Variants in SYNJ2 observed in about 807,000 individuals in gnomAD.
The protein encoded by SYNJ2 is polyphosphatidylinositol phosphatase SYNJ2.
In SYNJ2, 116 loss-of-function variants were observed where a neutral mutation model predicts 141.3. The observed-to-expected ratio is 0.82, with a 90% CI of 0.71 to 0.96. The LOEUF (loss-of-function observed/expected upper bound fraction) is 0.96, where lower values mean the gene tolerates loss of function less well. Ranked by LOEUF, SYNJ2 falls within the 40% of genes least tolerant of loss-of-function variation. SYNJ2 has a pLI of 0.00. For missense variants in SYNJ2, 1,873 were observed against 1,934.8 expected (o/e 0.97, Z 0.60); for synonymous variants, 745 against 777.7 (o/e 0.96, Z 0.70).
chr6:158,018,957 A>C (rs775739076), intron 2 of SYNJ2, among the ~76,000 whole-genome samples: 1 of 152,214 alleles, frequency 6.6e-6, no homozygotes, highest in Non-Finnish European at 1.5e-5. Context: ...CATGGTGATG[A>C]CCGTGAGGAT....
chr6:158,088,032 GA>G (rs748147820), intron 23 of SYNJ2, among the ~76,000 whole-genome samples: 6,619 of 57,328 alleles, frequency 0.12, 572 homozygotes, highest in African/African-American at 0.14. Context: ...CCCTGCTTTG[GA>G]ATTTTTTTTT....
At chr6:158,044,723 C>T (rs1027477760) in intron 5 of SYNJ2, among the ~76,000 whole-genome samples, 1 of 152,192 alleles carries the variant, frequency 6.6e-6, no homozygotes, top group African/African-American at 2.4e-5. Context: ...CTTTGATCAC[C>T]ACTAACAAAC....
intron 5 of SYNJ2, among the ~76,000 whole-genome samples, chr6:158,051,365 G>A (rs530318690): frequency 2.3e-4 from 35 of 152,138 alleles, no homozygotes; most frequent in Admixed American, 2.2e-3. Context: ...ACACAGACCC[G>A]CTGACTTCCC....
At chr6:157,984,418 A>C (rs2128312472) in intron 1 of SYNJ2, among the ~76,000 whole-genome samples, 1 of 151,268 alleles carries the variant, frequency 6.6e-6, no homozygotes, top group African/African-American at 2.4e-5. Flanking sequence ...CTTTTTTTTG[A>C]GATGGAGCTT....
At chr6:158,004,131 C>G (rs145763749) in intron 1 of SYNJ2, among the ~76,000 whole-genome samples, 158 of 152,266 alleles carry the variant, frequency 1.0e-3, no homozygotes, top group African/African-American at 3.7e-3. Context: ...TCAGTTAACC[C>G]TTGACCCCAC....
intron 18 of SYNJ2, among the ~76,000 whole-genome samples, chr6:158,080,362 CT>C (rs754403448): frequency 1.3e-4 from 20 of 151,934 alleles, no homozygotes; most frequent in Non-Finnish European, 2.2e-4. Context: ...GTAATCCCAG[CT>C]ACTTGGGAAG....
Position 158,017,273 on chromosome 6 carries a change from A to T in SYNJ2, c.197A>T (p.Glu66Val), listed in dbSNP as rs763439585. The T allele has an allele frequency of 1.2e-6, 2 of 1,613,170 alleles. No homozygotes were observed. The highest frequency in any genetic ancestry group is 1.1e-5 in the South Asian group (1 of 90,990). ...ACGGACGCGTACGGCTGCCTGGGGG[A>T]GCTGAGGCTGAAATCTGGTGAGTAG... ...KLTDAYGCLGELRLKSGGTSL... is the reference protein window; with the variant it reads ...KLTDAYGCLGVLRLKSGGTSL... Residue 66 changes from glutamate to valine, a missense_variant, in exon 2 of 27, where the codon GAG becomes GTG. Glu to Val is a moderately radical substitution (Grantham distance 121, BLOSUM62 -2). Coordinates refer to ENST00000355585, the MANE Select transcript of SYNJ2 (RefSeq NM_003898.4).
At chr6:157,988,164 C>T (rs2128313882) in intron 1 of SYNJ2, among the ~76,000 whole-genome samples, 1 of 152,370 alleles carries the variant, frequency 6.6e-6, no homozygotes, top group South Asian at 2.1e-4. Flanking sequence ...CCACCCCAGG[C>T]CCGGGCGTTG....
rs1779477276 is a variant in SYNJ2, at chr6:158,033,464, G to A, written c.495G>A (p.Leu165=). The change falls in exon 4 of 27, where the codon CTG becomes CTA. Residue 165 remains leucine (L), a synonymous_variant. Coordinates refer to ENST00000355585, the MANE Select transcript of SYNJ2 (RefSeq NM_003898.4). The part of the protein sequence containing the change: ...EWGNSFFWNQ[L]LHVPLRQHQV... ...GGACTGTGTTTTGCAGGAACCAGCT[G>A]TTGCACGTGCCCTTGAGGCAGCACC... 3 of 1,614,044 alleles carry A rather than the reference G, an allele frequency of 1.9e-6. No homozygotes were observed. The highest frequency in any genetic ancestry group is 1.3e-5 in the African/African-American group (1 of 75,074).
intron 1 of SYNJ2, among the ~76,000 whole-genome samples, chr6:158,007,482 C>T (rs1053630363): frequency 1.3e-5 from 2 of 152,226 alleles, no homozygotes; most frequent in Admixed American, 1.3e-4. Context: ...TTCCATTGTT[C>T]AGGCAATGAA....
intron 3 of SYNJ2, chr6:158,030,885 ACT>A (rs1438790789): frequency 1.3e-5 from 2 of 152,086 alleles, no homozygotes; most frequent in Non-Finnish European, 2.9e-5. Context: ...ACAGGGTGAG[ACT>A]CTGTCTCAAA....
At position 158,071,662 on chromosome 6, in the gene SYNJ2, C is replaced by T. The variant is rs139089325; in HGVS notation, c.2001C>T (p.Ala667=). The change falls in exon 15 of 27, where the codon GCC becomes GCT. Residue 667 remains alanine, a synonymous_variant. Coordinates refer to ENST00000355585, the MANE Select transcript of SYNJ2 (RefSeq NM_003898.4). The surrounding 1 kb of genome is among the most constrained non-coding windows in gnomAD (Gnocchi z 4.3). The part of the protein sequence containing the change: ...GMGGKAGNKG[A]VGIRFQFHST... Reference sequence around the variant, plus strand: ...GGGGCAAGGCGGGGAACAAGGGCGCCGTCGGCATCCGCTTCCAGTTCCACA... The same window carrying T: ...GGGGCAAGGCGGGGAACAAGGGCGCTGTCGGCATCCGCTTCCAGTTCCACA... The T allele has an allele frequency of 1.2e-5, 19 of 1,613,950 alleles. No individual in the cohort carries two copies. The highest frequency in any genetic ancestry group is 1.6e-4 in the Middle Eastern group (1 of 6,084).
At chr6:157,991,409 A>C (rs1376365413) in intron 1 of SYNJ2, among the ~76,000 whole-genome samples, 1 of 152,196 alleles carries the variant, frequency 6.6e-6, no homozygotes, top group Admixed American at 6.5e-5. Flanking sequence ...ACAAGCTCCC[A>C]GGTGATGCTG....
intron 23 of SYNJ2, among the ~76,000 whole-genome samples, chr6:158,087,599 C>T (rs1783140263): frequency 6.6e-6 from 1 of 152,190 alleles, no homozygotes; most frequent in African/African-American, 2.4e-5. Context: ...CTTCTCCCTC[C>T]CCAAAAATGT....
chr6:158,096,688 G>A lies in SYNJ2; in HGVS notation c.*324G>A. On this transcript the variant is annotated 3_prime_UTR_variant, in exon 27 of 27. Coordinates refer to ENST00000355585, the MANE Select transcript of SYNJ2 (RefSeq NM_003898.4). ...GTTCTCACCCATTGAATTTTTAAAT[G>A]GCTGTTCAGTTCATGTTGTACGTGA... 1 of 215,616 alleles carries A rather than the reference G, an allele frequency of 4.6e-6. No individual in the cohort carries two copies. Among genetic ancestry groups the A allele is most frequent in the Non-Finnish European group, 9.1e-6 (1 of 109,702 alleles). The allele number at this position is 215,616 out of a possible 1,614,324, so 13.4% of individuals were successfully genotyped here.
At chr6:158,033,911 T>G (rs1032567184) in intron 4 of SYNJ2, among the ~76,000 whole-genome samples, 1 of 152,252 alleles carries the variant, frequency 6.6e-6, no homozygotes, top group Admixed American at 6.5e-5. Flanking sequence ...GGGAAAATGC[T>G]GCTTAGCCGA....
At chr6:157,988,404 T>A (rs1394096587) in intron 1 of SYNJ2, among the ~76,000 whole-genome samples, 1 of 152,198 alleles carries the variant, frequency 6.6e-6, no homozygotes, top group Non-Finnish European at 1.5e-5. Flanking sequence ...CCTATTTTAT[T>A]TAACTGTTTT....
intron 5 of SYNJ2, among the ~76,000 whole-genome samples, chr6:158,050,015 G>A (rs1308477455): frequency 6.6e-6 from 1 of 151,842 alleles, no homozygotes; most frequent in Admixed American, 6.5e-5. Flanking sequence ...TATGGACACA[G>A]CTCTGCAGGT....
At chr6:158,085,604 G>A (rs1012605847) in intron 22 of SYNJ2, among the ~76,000 whole-genome samples, 1 of 152,166 alleles carries the variant, frequency 6.6e-6, no homozygotes, top group African/African-American at 2.4e-5. Flanking sequence ...GAGGTGCGAA[G>A]ACCTCCAGCC....
Sources: gnomAD v4.1 joint callset for allele counts (sites outside exome capture counted in the v4.1 genomes callset) on GRCh38, gnomAD v4.1.1 for gene constraint, Gnocchi (gnomAD v3.1) non-coding constraint, MANE v1.5 for transcripts, NCBI Gene and HGNC (gene_info 2026-07-23, HGNC 2026-07-21) for gene names.